USP15: variants seen among roughly 807,000 people sequenced by gnomAD.
USP15 encodes the protein ubiquitin specific peptidase 15.
In USP15, 18 loss-of-function variants were observed where a neutral mutation model predicts 127.1. That is an observed-to-expected ratio of 0.14 (90% CI 0.10 to 0.21). The LOEUF (loss-of-function observed/expected upper bound fraction) is 0.21. Ranked by LOEUF, USP15 falls within the 10% of genes least tolerant of loss-of-function variation. USP15 has a pLI of 1.00. For synonymous variants in USP15, 364 were observed against 393.7 expected (o/e 0.92, Z 0.89); for missense variants, 805 against 1,159.9 (o/e 0.69, Z 4.44).
chr12:62,316,955 A>G (rs141536314), intron 4 of USP15, among the ~76,000 whole-genome samples: 2 of 152,294 alleles, frequency 1.3e-5, no homozygotes, highest in East Asian at 3.9e-4. Context: ...AACATTATAT[A>G]TGAACCCAAT....
intron 8 of USP15, 39 bp downstream of exon 8, chr12:62,355,514 G>C: frequency 1.3e-6 from 2 of 1,543,814 alleles, no homozygotes; most frequent in Admixed American, 2.0e-5. Context: ...ATGTTTCATG[G>C]AAATCTGTAA....
At chr12:62,340,599 C>T (rs745898358) in intron 6 of USP15, among the ~76,000 whole-genome samples, 32 of 152,292 alleles carry the variant, frequency 2.1e-4, no homozygotes, top group Non-Finnish European at 3.4e-4. Flanking sequence ...TCATTGGTTT[C>T]AAAGAACTTC....
intron 6 of USP15, among the ~76,000 whole-genome samples, chr12:62,338,847 G>C (rs2065562950): frequency 6.6e-6 from 1 of 152,144 alleles, no homozygotes; most frequent in African/African-American, 2.4e-5. Context: ...TTTGGTACCA[G>C]TACCATGCTG....
At chr12:62,305,817 C>A (rs2064468884) in intron 3 of USP15, 1 of 152,186 alleles carries the variant, frequency 6.6e-6, no homozygotes, top group Non-Finnish European at 1.5e-5. Context: ...TGAGGTTGGT[C>A]TGTGTGGCCA....
At chr12:62,303,043 G>A (rs553556104) in intron 3 of USP15, 123 bp downstream of exon 3, 63 of 1,099,214 alleles carry the variant, frequency 5.7e-5, no homozygotes, top group East Asian at 3.5e-4. Flanking sequence ...CAAAATAACC[G>A]TACACTGTGT....
intron 6 of USP15, among the ~76,000 whole-genome samples, chr12:62,344,762 T>G (rs1327366009): frequency 6.6e-6 from 1 of 152,170 alleles, no homozygotes; most frequent in Non-Finnish European, 1.5e-5. Flanking sequence ...AAACCTCAAT[T>G]CTTGACTTCT....
At chr12:62,267,218 A>T (rs1039911004) in intron 1 of USP15, 3 of 152,088 alleles carry the variant, frequency 2.0e-5, no homozygotes, top group African/African-American at 7.2e-5. Flanking sequence ...CTCTGAAGCC[A>T]CTTCGCCAGA....
intron 8 of USP15, among the ~76,000 whole-genome samples, chr12:62,366,979 G>A (rs959457261): frequency 3.9e-5 from 6 of 152,044 alleles, no homozygotes; most frequent in Non-Finnish European, 7.4e-5. Flanking sequence ...TTTTCACGTC[G>A]ATGTTCATCA....
At chr12:62,394,884 A>G (rs1317557834) in intron 19 of USP15, among the ~76,000 whole-genome samples, 1 of 152,040 alleles carries the variant, frequency 6.6e-6, no homozygotes, top group Non-Finnish European at 1.5e-5. Context: ...AAGTAATGAC[A>G]AACTAGAATC....
chr12:62,364,278 G>A (rs527661072), intron 8 of USP15, among the ~76,000 whole-genome samples: 175 of 152,284 alleles, frequency 1.1e-3, no homozygotes, highest in South Asian at 3.5e-3. Context: ...CAAAATACAA[G>A]ACTAGATCAT....
intron 1 of USP15, among the ~76,000 whole-genome samples, chr12:62,270,540 A>G (rs1343644254): frequency 2.0e-5 from 3 of 152,056 alleles, no homozygotes; most frequent in African/African-American, 4.8e-5. Context: ...TTTTTTGTGT[A>G]TATGGTCAGG....
intron 1 of USP15, among the ~76,000 whole-genome samples, chr12:62,291,174 C>CTTTCT (rs2063956547): frequency 6.6e-6 from 1 of 152,102 alleles, no homozygotes; most frequent in African/African-American, 2.4e-5. Flanking sequence ...AAACTTTTTG[C>CTTTCT]TTTCTTTTCT....
At chr12:62,308,509 C>G (rs2064556087) in intron 3 of USP15, among the ~76,000 whole-genome samples, 1 of 152,030 alleles carries the variant, frequency 6.6e-6, no homozygotes, top group Admixed American at 6.6e-5. Flanking sequence ...TCATCCCCTC[C>G]CCTCGGATCA....
At chr12:62,285,342 T>C (rs2063758160) in intron 1 of USP15, among the ~76,000 whole-genome samples, 2 of 152,198 alleles carry the variant, frequency 1.3e-5, no homozygotes, top group Non-Finnish European at 2.9e-5. Flanking sequence ...TAACATGCAG[T>C]ATTTGATTTT....
intron 6 of USP15, among the ~76,000 whole-genome samples, chr12:62,328,671 C>G (rs1180863585): frequency 6.6e-6 from 1 of 151,920 alleles, no homozygotes; most frequent in Admixed American, 6.6e-5. Flanking sequence ...AGAAACTTGA[C>G]AAATTCATTT....
chr12:62,321,470 T>G lies in USP15; in HGVS notation c.482T>G (p.Ile161Ser). ...CTTTCCTCCTTAAATCTAGATACAA[T>G]TGAAAAGGAAATAAGAAAAATCTTC... ...RFSKADTIDT[I>S]EKEIRKIFSI... Residue 161 changes from isoleucine (I) to serine (S), a missense_variant, in exon 5 of 22, where the codon ATT becomes AGT. Physicochemically the swap from Ile to Ser is moderately radical, Grantham distance 142 (BLOSUM62 -2). Around this residue, in one of 11 missense-constraint regions of USP15, gnomAD observed 57 missense variants for 47.3 expected, o/e 1.20. Transcript: ENST00000280377. The G allele has an allele frequency of 6.4e-7, 1 of 1,570,162 alleles. No homozygotes were observed. The highest frequency in any genetic ancestry group is 8.7e-7 in the Non-Finnish European group (1 of 1,151,222).
chr12:62,341,653 G>T (rs1171807953), intron 6 of USP15, among the ~76,000 whole-genome samples: 1 of 152,066 alleles, frequency 6.6e-6, no homozygotes, highest in Non-Finnish European at 1.5e-5. Flanking sequence ...TGTTTGCCTG[G>T]ATATGAAACT....
chr12:62,354,790 G>C (rs1330357947), intron 7 of USP15, among the ~76,000 whole-genome samples: 1 of 151,876 alleles, frequency 6.6e-6, no homozygotes, highest in Non-Finnish European at 1.5e-5. Context: ...TTCTGCATTT[G>C]AATACTAGTT....
chr12:62,395,561 C>A (rs1159689762), intron 19 of USP15, among the ~76,000 whole-genome samples: 2 of 151,400 alleles, frequency 1.3e-5, no homozygotes, highest in Non-Finnish European at 2.9e-5. Context: ...CTATAGTCAC[C>A]CTGTTGTGTG....
Sources: gnomAD v4.1 joint callset for allele counts (sites outside exome capture counted in the v4.1 genomes callset) on GRCh38, gnomAD v4.1.1 for gene constraint, gnomAD v4.1.1 regional missense constraint, MANE v1.5 for transcripts, NCBI Gene and HGNC (gene_info 2026-07-23, HGNC 2026-07-21) for gene names.